Variants in TENM3 observed in about 807,000 individuals in gnomAD.
TENM3 encodes teneurin-3.
Under a neutral mutation model 255.1 loss-of-function variants are expected in TENM3, and 63 were observed. The observed-to-expected ratio is 0.25, with a 90% CI of 0.20 to 0.30. The LOEUF is 0.30. Ranked by LOEUF, TENM3 falls within the 10% of genes least tolerant of loss-of-function variation. The pLI, the probability that TENM3 is intolerant of heterozygous loss-of-function variation, is 1.00. For synonymous variants in TENM3, 1,306 were observed against 1,322.3 expected, an observed-to-expected ratio of 0.99 and a Z score of 0.27; for missense variants, 2,929 against 3,461.1, an observed-to-expected ratio of 0.85 and a Z score of 3.86.
At chr4:181,528,176 C>T in the TENM3 span, among the ~76,000 whole-genome samples, 34 of 151,938 alleles carry the variant, frequency 2.2e-4, no homozygotes, top group African/African-American at 7.7e-4. Flanking sequence ...ACTTAATATA[C>T]ATATTTGTAT....
chr4:182,657,032 C>G (rs1333048799), intron 6 of TENM3, among the ~76,000 whole-genome samples: 1 of 152,174 alleles, frequency 6.6e-6, no homozygotes, highest in Admixed American at 6.5e-5. Flanking sequence ...ACACTGGTCT[C>G]TTTCCAGAAA....
the TENM3 span, among the ~76,000 whole-genome samples, chr4:181,507,532 C>G: frequency 6.6e-6 from 1 of 152,180 alleles, no homozygotes; most frequent in African/African-American, 2.4e-5. Flanking sequence ...ACGTTTTGTC[C>G]TTTAGCCTGA....
intron 3 of TENM3, among the ~76,000 whole-genome samples, chr4:182,525,983 TG>T: frequency 6.6e-6 from 1 of 152,286 alleles, no homozygotes; most frequent in South Asian, 2.1e-4. Context: ...TTTCCTTTTT[TG>T]TTTTTGTTTT....
chr4:181,679,085 G>A, the TENM3 span, among the ~76,000 whole-genome samples: 3 of 152,186 alleles, frequency 2.0e-5, no homozygotes, highest in East Asian at 5.8e-4. Context: ...ACCTATCTTA[G>A]GAGTAAGTGC....
the TENM3 span, among the ~76,000 whole-genome samples, chr4:181,641,918 G>C: frequency 6.9e-6 from 1 of 144,240 alleles, no homozygotes; most frequent in African/African-American, 2.6e-5. Context: ...TGTGAATAGG[G>C]CTGCAATAAA....
At chr4:181,473,850 G>GTGTATAAAATATATATATA in the TENM3 span, among the ~76,000 whole-genome samples, 60 of 128,052 alleles carry the variant, frequency 4.7e-4, no homozygotes, top group African/African-American at 1.6e-3. Flanking sequence ...TATATATACA[G>GTGTATAAAATATATATATA]TATATATTCT....
chr4:181,826,270 G>A, the TENM3 span, among the ~76,000 whole-genome samples: 2 of 152,002 alleles, frequency 1.3e-5, no homozygotes, highest in Non-Finnish European at 2.9e-5. Context: ...AAAAAAATAA[G>A]CCGGAGAAAA....
intron 17 of TENM3, 87 bp from the exon 18 acceptor site, chr4:182,738,314 G>C (rs770282696): frequency 4.6e-4 from 591 of 1,297,914 alleles, no homozygotes; most frequent in Non-Finnish European, 6.0e-4. Flanking sequence ...ACACAGATGT[G>C]AAAAAGGCAG....
intron 6 of TENM3, among the ~76,000 whole-genome samples, chr4:182,663,819 T>G (rs1754425107): frequency 6.6e-6 from 1 of 152,152 alleles, no homozygotes; most frequent in Admixed American, 6.5e-5. Flanking sequence ...ACATTTCTCA[T>G]AAAAGCAAGG....
At chr4:181,729,427 A>G in the TENM3 span, among the ~76,000 whole-genome samples, 1 of 152,076 alleles carries the variant, frequency 6.6e-6, no homozygotes, top group East Asian at 1.9e-4. Context: ...CAAAGAATGT[A>G]GCAGAAGCCC....
At chr4:181,470,123 A>AAAG in the TENM3 span, among the ~76,000 whole-genome samples, 26,436 of 149,614 alleles carry the variant, frequency 0.18, 3,109 homozygotes, top group South Asian at 0.26. Context: ...AAAAAAAAAA[A>AAAG]AACATTATTC....
the TENM3 span, among the ~76,000 whole-genome samples, chr4:181,494,067 T>C: frequency 2.0e-5 from 3 of 152,146 alleles, no homozygotes; most frequent in Non-Finnish European, 4.4e-5. Context: ...ATCTCTTTTA[T>C]AAGTGAGGAT....
chr4:182,738,669 T>C (rs1330169731), intron 18 of TENM3, 125 bp downstream of exon 18: 4 of 713,300 alleles, frequency 5.6e-6, no homozygotes, highest in African/African-American at 1.8e-5. Flanking sequence ...GGATTAGAAA[T>C]GGCAGAAAAA....
At chr4:182,781,077 G>C (rs1765124949) in intron 24 of TENM3, among the ~76,000 whole-genome samples, 4 of 151,872 alleles carry the variant, frequency 2.6e-5, no homozygotes, top group Admixed American at 2.6e-4. Context: ...GCCCTGGCCA[G>C]AACTTCCAAC....
chr4:181,744,158 T>C, the TENM3 span, among the ~76,000 whole-genome samples: 1 of 152,208 alleles, frequency 6.6e-6, no homozygotes, highest in Non-Finnish European at 1.5e-5. Context: ...ATGATCTTGT[T>C]CCTTTTTATG....
At chr4:182,674,561 G>C (rs1421959207) in intron 7 of TENM3, among the ~76,000 whole-genome samples, 1 of 151,636 alleles carries the variant, frequency 6.6e-6, no homozygotes, top group East Asian at 1.9e-4. Context: ...TGTTTGTTGG[G>C]GTTTTGGTTT....
At position 182,731,464 on chromosome 4, in the gene TENM3, C is replaced by T. The variant is rs149435103; in HGVS notation, c.2967+325C>T. Among the ~76,000 whole-genome samples the T allele has an allele frequency of 6.0e-3, 918 of 151,866 alleles. 10 individuals are homozygous for T. The highest frequency in any genetic ancestry group is 0.021 in the African/African-American group (872 of 41,400). On this transcript the variant is annotated intron_variant, in intron 16 of 27. Transcript: ENST00000511685. ...CAGAGGTTGCAGTGAGCCGAGATCA[C>T]ACACTACTGCACTCCAGCCTGGGTG...
In TENM3 at chr4:182,161,828, CATATATATGTGTATATAT is replaced by C. The variant is rs1561153755; in HGVS notation, c.-76+17076_-76+17093del. On this transcript the variant is annotated intron_variant, in intron 1 of 2. Coordinates refer to the TENM3 transcript ENST00000512480. ...ACACATATATATGTATATATATACACATATATATGTGTATATATACACAAATATATATGTGTATATATG... is the reference window on the plus strand; with the variant it reads ...ACACATATATATGTATATATATACACACACAAATATATATGTGTATATATG... 3.9e-4 allele frequency among the ~76,000 whole-genome samples: 5 copies of C among 12,946 alleles called. 1 individual carries two copies. Among genetic ancestry groups the C allele is most frequent in the African/African-American group, 1.5e-3 (4 of 2,748 alleles). The allele number at this position is 12,946 out of a possible 152,430, so 8.5% of individuals were successfully genotyped here.
intron 6 of TENM3, among the ~76,000 whole-genome samples, chr4:182,665,438 C>T (rs1561075755): frequency 6.6e-6 from 1 of 152,166 alleles, no homozygotes; most frequent in Non-Finnish European, 1.5e-5. Context: ...TGTTTTCATG[C>T]CTGCAAACAC....
Sources: allele counts gnomAD v4.1 joint callset (sites outside exome capture counted in the v4.1 genomes callset), GRCh38; gene constraint gnomAD v4.1.1; transcripts MANE v1.5; gene names NCBI Gene and HGNC (gene_info 2026-07-23, HGNC 2026-07-21).